Variants in CDH12 observed in about 807,000 individuals in gnomAD.
CDH12 encodes cadherin-12.
Under a neutral mutation model 74.1 loss-of-function variants are expected in CDH12, and 41 were observed. The observed-to-expected ratio is 0.55, with a 90% CI of 0.43 to 0.72. The LOEUF (loss-of-function observed/expected upper bound fraction) is 0.72. CDH12 is among the 30% of genes least tolerant of loss of function. CDH12 has a pLI of 0.00. For missense variants in CDH12, 945 were observed against 977.2 expected (o/e 0.97, Z 0.44); for synonymous variants, 399 against 355.0 (o/e 1.12, Z -1.39).
intron 5 of CDH12, among the ~76,000 whole-genome samples, chr5:21,982,579 T>A (rs1757352923): frequency 6.6e-6 from 1 of 151,268 alleles, no homozygotes; most frequent in African/African-American, 2.4e-5. Context: ...GATACATCTA[T>A]ATATAGAGAG....
chr5:22,489,641 T>C (rs1301567906), intron 2 of CDH12, among the ~76,000 whole-genome samples: 3 of 151,828 alleles, frequency 2.0e-5, no homozygotes, highest in African/African-American at 7.3e-5. Context: ...GCTGTAAATG[T>C]AAAGACTGAA....
At chr5:21,899,977 T>C (rs1426112414) in intron 6 of CDH12, among the ~76,000 whole-genome samples, 1 of 152,126 alleles carries the variant, frequency 6.6e-6, no homozygotes, top group Non-Finnish European at 1.5e-5. Flanking sequence ...AACATTTTAT[T>C]CATATATCTA....
intron 6 of CDH12, among the ~76,000 whole-genome samples, chr5:21,891,961 T>G (rs1161616700): frequency 6.6e-6 from 1 of 152,098 alleles, no homozygotes; most frequent in African/African-American, 2.4e-5. Flanking sequence ...GGCTACCAAT[T>G]TGAGTTCTCC....
At chr5:22,517,685 C>T (rs1201832487) in intron 1 of CDH12, among the ~76,000 whole-genome samples, 1 of 152,192 alleles carries the variant, frequency 6.6e-6, no homozygotes, top group East Asian at 1.9e-4. Context: ...AAAAATTGCA[C>T]AGGACATCAG....
chr5:22,094,954 C>T (rs1743663449), intron 4 of CDH12, among the ~76,000 whole-genome samples: 1 of 152,192 alleles, frequency 6.6e-6, no homozygotes, highest in African/African-American at 2.4e-5. Flanking sequence ...CCCTATCTCC[C>T]TTTGCTGACC....
intron 5 of CDH12, among the ~76,000 whole-genome samples, chr5:22,026,641 G>A (rs1316668397): frequency 6.6e-6 from 1 of 152,092 alleles, no homozygotes; most frequent in Non-Finnish European, 1.5e-5. Context: ...CAGATCAGGG[G>A]TAGGGGTAGG....
intron 1 of CDH12, among the ~76,000 whole-genome samples, chr5:22,588,111 T>C (rs1740506619): frequency 6.6e-6 from 1 of 150,868 alleles, no homozygotes; most frequent in East Asian, 1.9e-4. Context: ...TGTGTGTATA[T>C]ATACATAATA....
At chr5:22,485,152 G>T (rs527694889) in intron 2 of CDH12, among the ~76,000 whole-genome samples, 2 of 149,786 alleles carry the variant, frequency 1.3e-5, no homozygotes, top group South Asian at 4.3e-4. Flanking sequence ...TATTTATGGA[G>T]AAATTTGGTA....
At chr5:22,388,537 A>G (rs1425957280) in intron 3 of CDH12, among the ~76,000 whole-genome samples, 1 of 152,152 alleles carries the variant, frequency 6.6e-6, no homozygotes, top group African/African-American at 2.4e-5. Context: ...AAGGCATGAA[A>G]AAAAGACATT....
chr5:22,190,115 T>A (rs1750185391), intron 4 of CDH12, among the ~76,000 whole-genome samples: 1 of 152,170 alleles, frequency 6.6e-6, no homozygotes, highest in Non-Finnish European at 1.5e-5. Flanking sequence ...TAATTAATCC[T>A]CATACTGAGT....
chr5:22,038,187 A>G (rs1739316554), intron 5 of CDH12, among the ~76,000 whole-genome samples: 1 of 152,122 alleles, frequency 6.6e-6, no homozygotes, highest in Non-Finnish European at 1.5e-5. Flanking sequence ...TCTGGAGGCC[A>G]CTGGCCTAAT....
intron 3 of CDH12, among the ~76,000 whole-genome samples, chr5:22,238,592 T>C (rs1752637706): frequency 6.6e-6 from 1 of 152,208 alleles, no homozygotes; most frequent in South Asian, 2.1e-4. Context: ...AGCAATGGAA[T>C]GATTTTTTCC....
intron 4 of CDH12, among the ~76,000 whole-genome samples, chr5:22,126,942 G>C (rs1412884579): frequency 1.3e-5 from 2 of 152,110 alleles, no homozygotes; most frequent in African/African-American, 4.8e-5. Context: ...GTTAAAATAC[G>C]TCTTATGGGA....
intron 11 of CDH12, among the ~76,000 whole-genome samples, chr5:21,770,615 T>C (rs1745270732): frequency 7.1e-6 from 1 of 140,064 alleles, no homozygotes; most frequent in African/African-American, 2.8e-5. Flanking sequence ...CAAAAGTCCA[T>C]CTCAAAAAAA....
intron 1 of CDH12, among the ~76,000 whole-genome samples, chr5:22,605,858 C>G (rs759351365): frequency 6.6e-6 from 1 of 152,168 alleles, no homozygotes; most frequent in African/African-American, 2.4e-5. Context: ...CCATGAGGTC[C>G]TTGTGCAGGC....
At chr5:22,309,766 C>T (rs1738298317) in intron 3 of CDH12, among the ~76,000 whole-genome samples, 1 of 151,828 alleles carries the variant, frequency 6.6e-6, no homozygotes, top group Non-Finnish European at 1.5e-5. Context: ...AAGTCTCATT[C>T]CAAATGAGTT....
intron 5 of CDH12, among the ~76,000 whole-genome samples, chr5:21,994,920 A>C (rs185712658): frequency 2.0e-5 from 3 of 152,156 alleles, no homozygotes; most frequent in Non-Finnish European, 4.4e-5. Flanking sequence ...TGGCCACCTG[A>C]GCCAGCAACG....
At chr5:21,961,146 A>G (rs1756343071) in intron 6 of CDH12, among the ~76,000 whole-genome samples, 1 of 152,096 alleles carries the variant, frequency 6.6e-6, no homozygotes, top group Non-Finnish European at 1.5e-5. Flanking sequence ...TAAAATCTTC[A>G]ACTATGACTG....
intron 3 of CDH12, among the ~76,000 whole-genome samples, chr5:22,284,188 A>G (rs1737038179): frequency 6.6e-6 from 1 of 152,176 alleles, no homozygotes; most frequent in South Asian, 2.1e-4. Context: ...TGCAGAATTT[A>G]TCTTTTAAAA....
Sources: allele counts gnomAD v4.1 joint callset (sites outside exome capture counted in the v4.1 genomes callset), GRCh38; gene constraint gnomAD v4.1.1; transcripts MANE v1.5; gene names NCBI Gene and HGNC (gene_info 2026-07-23, HGNC 2026-07-21).